CPNE8: variants seen among roughly 807,000 people sequenced by gnomAD.
The protein encoded by CPNE8 is copine 8.
Under a neutral mutation model 81.5 loss-of-function variants are expected in CPNE8, and 45 were observed. The ratio of observed to expected loss-of-function variants is 0.55; its 90% CI spans 0.44 to 0.71. The LOEUF (loss-of-function observed/expected upper bound fraction) is 0.71. CPNE8 is among the 30% of genes least tolerant of loss of function. The pLI is 0.00. For synonymous variants in CPNE8, 252 were observed against 226.3 expected, an observed-to-expected ratio of 1.11 and a Z score of -1.02; for missense variants, 594 against 672.1, an observed-to-expected ratio of 0.88 and a Z score of 1.28.
chr12:38,864,065 A>G (rs558217090), intron 3 of CPNE8, among the ~76,000 whole-genome samples: 10 of 151,938 alleles, frequency 6.6e-5, no homozygotes, highest in African/African-American at 2.4e-4. Flanking sequence ...CACAAAAAAA[A>G]AAAAAAAAGA....
At chr12:38,683,163 A>C (rs1939448952) in intron 16 of CPNE8, among the ~76,000 whole-genome samples, 1 of 152,204 alleles carries the variant, frequency 6.6e-6, no homozygotes, top group African/African-American at 2.4e-5. Context: ...AATCCTAAAA[A>C]TAAACGTGCT....
At chr12:38,849,434 CTAA>C (rs1255390878) in intron 3 of CPNE8, among the ~76,000 whole-genome samples, 1 of 152,106 alleles carries the variant, frequency 6.6e-6, no homozygotes, top group Non-Finnish European at 1.5e-5. Context: ...CCATGGAATT[CTAA>C]TGAGAGAATT....
At chr12:38,727,369 T>C (rs551094479) in intron 11 of CPNE8, among the ~76,000 whole-genome samples, 5 of 152,302 alleles carry the variant, frequency 3.3e-5, no homozygotes, top group Admixed American at 2.0e-4. Context: ...CAAAAAGTGT[T>C]TCAGGTAATG....
At chr12:38,903,942 GCAAA>G (rs1199451553) in intron 1 of CPNE8, among the ~76,000 whole-genome samples, 16 of 152,112 alleles carry the variant, frequency 1.1e-4, no homozygotes, top group Non-Finnish European at 1.6e-4. Context: ...TTAAGAGGCG[GCAAA>G]CAATCAGGTG....
At chr12:38,821,080 C>G (rs1943103308) in intron 6 of CPNE8, among the ~76,000 whole-genome samples, 1 of 152,062 alleles carries the variant, frequency 6.6e-6, no homozygotes, top group Non-Finnish European at 1.5e-5. Context: ...GTCAATGATC[C>G]TCTTTGAAAA....
chr12:38,821,997 C>T (rs1943117114), intron 6 of CPNE8, among the ~76,000 whole-genome samples: 1 of 152,074 alleles, frequency 6.6e-6, no homozygotes, highest in Non-Finnish European at 1.5e-5. Context: ...AGAGGCTTTC[C>T]CAGAAGTAGA....
chr12:38,864,847 A>T (rs10876185), intron 3 of CPNE8, among the ~76,000 whole-genome samples: 1 of 152,100 alleles, frequency 6.6e-6, no homozygotes, highest in Admixed American at 6.5e-5. Context: ...ATTATAAAGG[A>T]TCATATCGCT....
intron 9 of CPNE8, among the ~76,000 whole-genome samples, chr12:38,761,510 T>C (rs1346875877): frequency 6.6e-6 from 1 of 152,250 alleles, no homozygotes; most frequent in Non-Finnish European, 1.5e-5. Context: ...GAAAACTTAA[T>C]AATAGTTCTA....
intron 13 of CPNE8, among the ~76,000 whole-genome samples, chr12:38,721,973 C>A (rs1940576622): frequency 6.6e-6 from 1 of 152,124 alleles, no homozygotes; most frequent in African/African-American, 2.4e-5. Flanking sequence ...CCACTTCATA[C>A]CTGATTCACC....
At position 38,717,427 on chromosome 12, in the gene CPNE8, G is replaced by GTA. The variant is rs1491219731; in HGVS notation, c.914+6344_914+6345insTA. Among the ~76,000 whole-genome samples the GTA allele has an allele frequency of 3.9e-3, 271 of 69,598 alleles. 11 individuals carry two copies. The highest frequency in any genetic ancestry group is 0.017 in the Middle Eastern group (2 of 118). The allele number at this position is 69,598 out of a possible 152,430, so 45.7% of individuals were successfully genotyped here. On this transcript the variant is annotated intron_variant, in intron 13 of 19. Transcript: ENST00000331366. ...CCAACAAGTAAACAAAGAAAGTGTG[G>GTA]TGTATATATATATATATATATATAT... is the stretch of plus-strand genomic sequence containing the variant.
At chr12:38,657,306 G>T (rs1938843353) in intron 19 of CPNE8, among the ~76,000 whole-genome samples, 1 of 152,196 alleles carries the variant, frequency 6.6e-6, no homozygotes, top group South Asian at 2.1e-4. Context: ...GACCTGCGAG[G>T]CTGCAGCCTG....
chr12:38,700,399 TGGCTAATTTTTTGTATTTTA>T (rs1206076628), intron 14 of CPNE8, among the ~76,000 whole-genome samples: 1 of 151,908 alleles, frequency 6.6e-6, no homozygotes, highest in African/African-American at 2.4e-5. Context: ...ACAACACGCC[TGGCTAATTTTTTGTATTTTA>T]GTAGAGACGG....
In CPNE8 at chr12:38,903,375, A is replaced by G. The variant is rs539655998; in HGVS notation, c.98+2062T>C. ...CTTAAAAATTAAAAACAAAATGTCA[A>G]AGCAATGTTATGAAAAAAAGCTGGA... On this transcript the variant is annotated intron_variant, in intron 1 of 19. Coordinates refer to ENST00000331366, the MANE Select transcript of CPNE8 (RefSeq NM_153634.3). 4.6e-5 allele frequency among the ~76,000 whole-genome samples: 7 copies of G among 152,296 alleles called. No homozygotes were observed. The East Asian group carries it at 1.2e-3, about 25-fold the overall frequency.
chr12:38,824,495 C>A (rs1430937920), intron 6 of CPNE8, among the ~76,000 whole-genome samples: 1 of 151,156 alleles, frequency 6.6e-6, no homozygotes, highest in African/African-American at 2.4e-5. Flanking sequence ...ACAACACAAT[C>A]GCAATTAAAA....
intron 3 of CPNE8, among the ~76,000 whole-genome samples, chr12:38,869,090 G>A (rs1943955109): frequency 6.6e-6 from 1 of 152,064 alleles, no homozygotes; most frequent in Admixed American, 6.6e-5. Context: ...TGTAAACACT[G>A]CACATCCATC....
chr12:38,844,481 A>G (rs577964951), intron 4 of CPNE8, among the ~76,000 whole-genome samples: 2 of 152,244 alleles, frequency 1.3e-5, no homozygotes, highest in South Asian at 2.1e-4. Flanking sequence ...TGATATATAC[A>G]TAGCATGATG....
intron 6 of CPNE8, among the ~76,000 whole-genome samples, chr12:38,791,395 T>C (rs1942320217): frequency 6.6e-6 from 1 of 151,532 alleles, no homozygotes; most frequent in African/African-American, 2.4e-5. Context: ...ATATACTTAC[T>C]AACCAAAAAA....
At chr12:38,778,873 C>A (rs1941988590) in intron 6 of CPNE8, among the ~76,000 whole-genome samples, 1 of 152,098 alleles carries the variant, frequency 6.6e-6, no homozygotes, top group South Asian at 2.1e-4. Context: ...TTGCTTAATT[C>A]TTGTTTCCAC....
intron 11 of CPNE8, among the ~76,000 whole-genome samples, chr12:38,728,570 A>AAAAC (rs1368584781): frequency 1.3e-5 from 2 of 152,204 alleles, no homozygotes; most frequent in African/African-American, 4.8e-5. Flanking sequence ...AAAACAAAAC[A>AAAAC]AAACAAACAA....
Sources: gnomAD v4.1 joint callset for allele counts (sites outside exome capture counted in the v4.1 genomes callset) on GRCh38, gnomAD v4.1.1 for gene constraint, MANE v1.5 for transcripts, NCBI Gene and HGNC (gene_info 2026-07-23, HGNC 2026-07-21) for gene names.